SIMC1: variants seen among roughly 807,000 people sequenced by gnomAD.
SIMC1 encodes the protein SUMO-interacting motif-containing protein 1.
SIMC1 carries 55 observed loss-of-function variants against 82.3 expected under a neutral mutation model. The ratio of observed to expected loss-of-function variants is 0.67; its 90% CI spans 0.54 to 0.84. The LOEUF (loss-of-function observed/expected upper bound fraction) is 0.84, where lower values mean the gene tolerates loss of function less well. Among genes scored for constraint, SIMC1 ranks in the 40% least tolerant of loss-of-function variants. The probability of loss-of-function intolerance (pLI) is 0.00; values close to 1 mark genes in which losing one functional copy is unlikely to be tolerated. For missense variants in SIMC1, 915 were observed against 1,107.2 expected, an observed-to-expected ratio of 0.83 and a Z score of 2.46; for synonymous variants, 353 against 426.3, an observed-to-expected ratio of 0.83 and a Z score of 2.12.
chr5:176,286,899 C>T (rs1376023203), intron 1 of SIMC1, among the ~76,000 whole-genome samples: 2 of 152,128 alleles, frequency 1.3e-5, no homozygotes, highest in Non-Finnish European at 2.9e-5. Flanking sequence ...CACTGGCTAT[C>T]GGAGAAATGC....
At chr5:176,306,931 A>AT (rs70991534) in intron 4 of SIMC1, among the ~76,000 whole-genome samples, 77,738 of 151,260 alleles carry the variant, frequency 0.51, 20,501 homozygotes, top group Middle Eastern at 0.6. Flanking sequence ...TAAAAAAAAA[A>AT]AATAATAAAG....
At chr5:176,243,676 A>G (rs1760601056) in intron 1 of SIMC1, among the ~76,000 whole-genome samples, 1 of 151,900 alleles carries the variant, frequency 6.6e-6, no homozygotes, top group Non-Finnish European at 1.5e-5. Flanking sequence ...GCACACCACC[A>G]CGCTTGACTA....
intron 1 of SIMC1, among the ~76,000 whole-genome samples, chr5:176,271,325 G>A (rs545283976): frequency 3.7e-4 from 56 of 152,126 alleles, no homozygotes; most frequent in African/African-American, 1.1e-3. Flanking sequence ...TCGCCACTGC[G>A]CTCCAGCCTG....
intron 1 of SIMC1, among the ~76,000 whole-genome samples, chr5:176,251,012 G>A (rs545510631): frequency 1.1e-4 from 16 of 152,242 alleles, no homozygotes; most frequent in African/African-American, 3.6e-4. Context: ...GATGCTAGCT[G>A]GTTGTTTTGC....
chr5:176,247,021 G>A (rs1426039722), intron 1 of SIMC1, among the ~76,000 whole-genome samples: 1 of 152,042 alleles, frequency 6.6e-6, no homozygotes, highest in East Asian at 1.9e-4. Flanking sequence ...ATGGGCATTT[G>A]GGTTGGTTCC....
At chr5:176,274,975 C>T (rs1473621011) in intron 1 of SIMC1, among the ~76,000 whole-genome samples, 7 of 151,828 alleles carry the variant, frequency 4.6e-5, no homozygotes, top group Admixed American at 3.9e-4. Flanking sequence ...TTTTTGGTTC[C>T]GTATGAACTT....
At chr5:176,295,004 A>C in intron 2 of SIMC1, 26 bp from the exon 3 acceptor site, 1 of 1,585,062 alleles carries the variant, frequency 6.3e-7, no homozygotes, top group Non-Finnish European at 8.5e-7. Context: ...AATCCCTCCT[A>C]ATTTCCTTCT....
chr5:176,296,299 C>A lies in SIMC1; in HGVS notation c.1713C>A (p.Leu571=). 2.5e-6 allele frequency: 4 copies of A among 1,613,396 alleles called. No homozygotes were observed. The South Asian group carries it at 3.3e-5, about 13-fold the overall frequency. ...CAGTGGAGTGGGACTGGAAACTGCT[C>A]ACCTATGTCATGGAGGAAGAGGTAA... is the stretch of plus-strand genomic sequence containing the variant. ...AKTVEWDWKL[L]TYVMEEEGQT... Residue 571 remains leucine (L), a synonymous_variant, in exon 4 of 10, where the codon CTC becomes CTA. Transcript: ENST00000429602.
intron 1 of SIMC1, among the ~76,000 whole-genome samples, chr5:176,283,564 A>G (rs1763118247): frequency 6.6e-6 from 1 of 152,256 alleles, no homozygotes; most frequent in Non-Finnish European, 1.5e-5. Flanking sequence ...CAGCCACTGC[A>G]AAACCATGCC....
In SIMC1 at chr5:176,290,208, CCCA is replaced by C; in HGVS notation, c.687_689del (p.Pro230del). 2 of 1,603,698 alleles carry C rather than the reference CCCA, an allele frequency of 1.2e-6. No homozygotes were observed. Among genetic ancestry groups the C allele is most frequent in the South Asian group, 1.1e-5 (1 of 90,308 alleles). ...CGTGCCCCCTGCGACCTTTGCCATG[CCCA>C]CCGAGAGCCTCACCATGTCCACCAC... On this transcript the variant is annotated inframe_deletion, in exon 2 of 10. Coordinates refer to ENST00000429602, the MANE Select transcript of SIMC1 (RefSeq NM_001308195.2).
At chr5:176,339,004 G>A (rs535513310) in intron 9 of SIMC1, among the ~76,000 whole-genome samples, 7 of 152,078 alleles carry the variant, frequency 4.6e-5, no homozygotes, top group Non-Finnish European at 8.8e-5. Flanking sequence ...GTCTTCCTGC[G>A]TCCCTGGGCA....
chr5:176,253,341 C>T (rs1003050669), intron 1 of SIMC1, among the ~76,000 whole-genome samples: 11 of 151,958 alleles, frequency 7.2e-5, no homozygotes, highest in East Asian at 3.9e-4. Flanking sequence ...GACGATTATG[C>T]GTCTTGGGGT....
chr5:176,265,056 AG>A (rs1363373216), intron 1 of SIMC1, among the ~76,000 whole-genome samples: 1 of 152,228 alleles, frequency 6.6e-6, no homozygotes, highest in Non-Finnish European at 1.5e-5. Flanking sequence ...ATTGGAAAAA[AG>A]AAATGAAACT....
chr5:176,342,306 A>C (rs984320637), intron 9 of SIMC1, among the ~76,000 whole-genome samples: 42 of 152,160 alleles, frequency 2.8e-4, no homozygotes, highest in African/African-American at 9.7e-4. Context: ...GTTTGCTCTC[A>C]AAGGCCAAAC....
chr5:176,321,070 C>G (rs981841881), intron 5 of SIMC1, among the ~76,000 whole-genome samples: 2 of 152,172 alleles, frequency 1.3e-5, no homozygotes, highest in Non-Finnish European at 2.9e-5. Flanking sequence ...ACCTTGCACC[C>G]AGGTGATCAT....
chr5:176,311,797 A>G lies in SIMC1; in HGVS notation c.1735-1894A>G, dbSNP rs143429199. Among the ~76,000 whole-genome samples, 934 of 152,354 alleles carry G rather than the reference A, an allele frequency of 6.1e-3. 7 individuals carry two copies. The highest frequency in any genetic ancestry group is 0.021 in the African/African-American group (887 of 41,582). Reference sequence around the variant, plus strand: ...TTAACAGAATCCTGACACTGTAAACACTATGTAGTTATAACATTTAGAATC... The same window carrying G: ...TTAACAGAATCCTGACACTGTAAACGCTATGTAGTTATAACATTTAGAATC... On this transcript the variant is annotated intron_variant, in intron 4 of 9. Coordinates refer to ENST00000429602, the MANE Select transcript of SIMC1 (RefSeq NM_001308195.2).
In SIMC1 at chr5:176,299,676, TA is replaced by T. The variant is rs371208627; in HGVS notation, c.1734+3358del. Among the ~76,000 whole-genome samples the T allele has an allele frequency of 7.7e-3, 1,167 of 152,168 alleles. 18 individuals are homozygous for T. Among genetic ancestry groups the T allele is most frequent in the Middle Eastern group, 0.034 (10 of 294 alleles). ...TTGAAAGAAGAAATAGACAACACAA[TA>T]ATAGTAGGAGATTCAGTACCCCACT... On this transcript the variant is annotated intron_variant, in intron 4 of 9. Coordinates refer to ENST00000429602, the MANE Select transcript of SIMC1 (RefSeq NM_001308195.2).
At chr5:176,271,862 T>A (rs1762440518) in intron 1 of SIMC1, among the ~76,000 whole-genome samples, 1 of 145,258 alleles carries the variant, frequency 6.9e-6, no homozygotes, top group South Asian at 2.1e-4. Flanking sequence ...AGATATATAT[T>A]ATATATAATA....
rs1365816334 is a variant in SIMC1 at position 176,274,786 on chromosome 5, T to C, written c.130-14868T>C. On this transcript the variant is annotated intron_variant, in intron 1 of 9. Coordinates refer to ENST00000429602, the MANE Select transcript of SIMC1 (RefSeq NM_001308195.2). ...GAATCCTTTCCCCATTGCTTTTTTT[T>C]CTCAGGTTTGTCAAAGATCAGATGG... 2.6e-5 allele frequency among the ~76,000 whole-genome samples: 4 copies of C among 151,896 alleles called. No individual in the cohort carries two copies. In the East Asian group the frequency reaches 5.8e-4, roughly 22 times the overall value.
Sources: gnomAD v4.1 joint callset for allele counts (sites outside exome capture counted in the v4.1 genomes callset) on GRCh38, gnomAD v4.1.1 for gene constraint, MANE v1.5 for transcripts, NCBI Gene and HGNC (gene_info 2026-07-23, HGNC 2026-07-21) for gene names.